Variants in PRPSAP1 observed in about 807,000 individuals in gnomAD.
PRPSAP1 encodes the protein phosphoribosyl pyrophosphate synthase-associated protein 1.
In PRPSAP1, 31 loss-of-function variants were observed where a neutral mutation model predicts 39.4. The observed-to-expected ratio is 0.79, with a 90% CI of 0.59 to 1.06. The LOEUF (loss-of-function observed/expected upper bound fraction) is 1.06. PRPSAP1 is among the 50% of genes least tolerant of loss of function. The pLI, the probability that PRPSAP1 is intolerant of heterozygous loss-of-function variation, is 0.00. For missense variants in PRPSAP1, 430 were observed against 511.6 expected (o/e 0.84, Z 1.54); for synonymous variants, 212 against 192.6 (o/e 1.10, Z -0.83).
At chr17:76,317,822 A>G (rs942174205) in intron 7 of PRPSAP1, among the ~76,000 whole-genome samples, 6 of 152,176 alleles carry the variant, frequency 3.9e-5, no homozygotes, top group Non-Finnish European at 7.3e-5. Flanking sequence ...AGAACCCCCA[A>G]CATATAATCT....
chr17:76,335,558 G>C (rs372154810), intron 3 of PRPSAP1, among the ~76,000 whole-genome samples: 63 of 151,914 alleles, frequency 4.1e-4, no homozygotes, highest in African/African-American at 1.4e-3. Context: ...GTTTCACCAT[G>C]TTGGCCAGGC....
chr17:76,339,750 T>G (rs2071416314), intron 3 of PRPSAP1, among the ~76,000 whole-genome samples: 1 of 151,772 alleles, frequency 6.6e-6, no homozygotes, highest in African/African-American at 2.4e-5. Context: ...TGTTGACTTA[T>G]GTAAAATTGT....
At chr17:76,330,178 C>A in intron 5 of PRPSAP1, 80 bp from the exon 6 acceptor site, 1 of 1,293,580 alleles carries the variant, frequency 7.7e-7, no homozygotes, top group Non-Finnish European at 1.1e-6. Context: ...AGTTTTCCCT[C>A]TTATAATGAT....
At chr17:76,347,602 C>T (rs1194189801) in intron 2 of PRPSAP1, among the ~76,000 whole-genome samples, 1 of 149,902 alleles carries the variant, frequency 6.7e-6, no homozygotes, top group Admixed American at 6.7e-5. Flanking sequence ...TCATTTCTTA[C>T]TCGCTGAAGA....
chr17:76,310,955 A>C lies in PRPSAP1; in HGVS notation c.*587T>G, dbSNP rs2071064956. On this transcript the variant is annotated 3_prime_UTR_variant, in exon 10 of 10. Coordinates refer to ENST00000446526, the MANE Select transcript of PRPSAP1 (RefSeq NM_002766.3). ...CAAGACAACAAATTATTTTATTTGCAACTTCAGAGCCACTCAGATACCCAG... is the reference window on the plus strand; with the variant it reads ...CAAGACAACAAATTATTTTATTTGCCACTTCAGAGCCACTCAGATACCCAG... 6.6e-6 allele frequency: 1 copy of C among 152,200 alleles called. No individual in the cohort carries two copies. Among genetic ancestry groups the C allele is most frequent in the Non-Finnish European group, 1.5e-5 (1 of 68,052 alleles). The allele number at this position is 152,200 out of a possible 1,614,324, so 9.4% of individuals were successfully genotyped here. A position where few individuals can be genotyped will look rare whatever the true frequency, so the allele number is the denominator to read the frequency against.
At chr17:76,324,799 CT>C (rs1415582681) in intron 7 of PRPSAP1, among the ~76,000 whole-genome samples, 1 of 151,818 alleles carries the variant, frequency 6.6e-6, no homozygotes, top group East Asian at 1.9e-4. Flanking sequence ...CAGTGGCTCA[CT>C]CCTGTAATCC....
At chr17:76,313,960 TAATTCCCTGGA>T in intron 7 of PRPSAP1, 69 bp from the exon 8 acceptor site, 1 of 1,542,690 alleles carries the variant, frequency 6.5e-7, no homozygotes, top group Non-Finnish European at 8.9e-7. Context: ...AATCACAACC[TAATTCCCTGGA>T]AATGGTGGCA....
At chr17:76,341,716 G>A (rs2071441100) in intron 3 of PRPSAP1, among the ~76,000 whole-genome samples, 1 of 152,188 alleles carries the variant, frequency 6.6e-6, no homozygotes, top group African/African-American at 2.4e-5. Flanking sequence ...GAGGCAGGCG[G>A]ATCACGAGGT....
rs116189522 is a variant in PRPSAP1, at chr17:76,328,670, A to T, written c.781+47T>A. On this transcript the variant is annotated intron_variant, in intron 7 of 9. Transcript: ENST00000446526. ...AAACCAACAAAACCAACAAAAAAAA[A>T]CTTTCTTCAATTTACAAATAAAATA... 16 of 1,587,148 alleles carry T rather than the reference A, an allele frequency of 1.0e-5. No homozygotes were observed. The African/African-American group carries it at 1.2e-4, about 12-fold the overall frequency.
intron 1 of PRPSAP1, 33 bp from the exon 2 acceptor site, chr17:76,348,614 A>T: frequency 6.7e-7 from 1 of 1,500,014 alleles, no homozygotes; most frequent in Non-Finnish European, 8.9e-7. Context: ...AAGGGAAATT[A>T]AGATTACTCT....
At chr17:76,340,303 T>C (rs1329644185) in intron 3 of PRPSAP1, among the ~76,000 whole-genome samples, 1 of 151,770 alleles carries the variant, frequency 6.6e-6, no homozygotes, top group Non-Finnish European at 1.5e-5. Flanking sequence ...AATTTCCTAA[T>C]ACTCAAGATA....
intron 7 of PRPSAP1, among the ~76,000 whole-genome samples, chr17:76,324,224 T>C (rs1267239606): frequency 2.0e-5 from 3 of 152,088 alleles, no homozygotes; most frequent in African/African-American, 4.8e-5. Context: ...AGTGTGATCA[T>C]TGGGTGTTCA....
At chr17:76,317,417 G>A (rs546804242) in intron 7 of PRPSAP1, among the ~76,000 whole-genome samples, 1 of 152,220 alleles carries the variant, frequency 6.6e-6, no homozygotes, top group South Asian at 2.1e-4. Flanking sequence ...CCAGCTACTT[G>A]GGAGGCTGAG....
chr17:76,351,726 A>T (rs1011375303), intron 1 of PRPSAP1, among the ~76,000 whole-genome samples: 1 of 152,212 alleles, frequency 6.6e-6, no homozygotes, highest in African/African-American at 2.4e-5. Context: ...TTACTGAGCG[A>T]CAAGTAAAAC....
intron 7 of PRPSAP1, among the ~76,000 whole-genome samples, chr17:76,327,788 C>T (rs976770155): frequency 1.3e-5 from 2 of 152,156 alleles, no homozygotes; most frequent in Admixed American, 6.5e-5. Flanking sequence ...TTTACTGAAG[C>T]TAAAATTATC....
chr17:76,338,102 T>C (rs1028097050), intron 3 of PRPSAP1, among the ~76,000 whole-genome samples: 1 of 152,208 alleles, frequency 6.6e-6, no homozygotes, highest in Non-Finnish European at 1.5e-5. Flanking sequence ...AATGGCTTTT[T>C]GCCATTTCCA....
intron 9 of PRPSAP1, 78 bp downstream of exon 9, chr17:76,312,792 T>C: frequency 5.3e-6 from 8 of 1,520,258 alleles, no homozygotes; most frequent in Non-Finnish European, 7.1e-6. Flanking sequence ...TTAAGCAATT[T>C]AGTATTGACT....
At chr17:76,312,808 A>AT (rs1432127046) in intron 9 of PRPSAP1, 62 bp downstream of exon 9, 1 of 1,556,290 alleles carries the variant, frequency 6.4e-7, no homozygotes, top group Non-Finnish European at 8.6e-7. Context: ...TGACTGAATC[A>AT]TTTTATTATT....
chr17:76,318,981 T>C (rs933255697), intron 7 of PRPSAP1, among the ~76,000 whole-genome samples: 6 of 152,138 alleles, frequency 3.9e-5, no homozygotes, highest in African/African-American at 7.2e-5. Flanking sequence ...ACTCTGTTGC[T>C]CAGGCTGGAG....
Sources: gnomAD v4.1 joint callset for allele counts (sites outside exome capture counted in the v4.1 genomes callset) on GRCh38, gnomAD v4.1.1 for gene constraint, MANE v1.5 for transcripts, NCBI Gene and HGNC (gene_info 2026-07-23, HGNC 2026-07-21) for gene names.